Variants in RABGAP1L observed in about 807,000 individuals in gnomAD.
RABGAP1L encodes RAB GTPase activating protein 1 like.
Under a neutral mutation model 137.7 loss-of-function variants are expected in RABGAP1L, and 63 were observed. That is an observed-to-expected ratio of 0.46 (90% confidence interval 0.37 to 0.56). The LOEUF is 0.56. Ranked by LOEUF, RABGAP1L falls within the 20% of genes least tolerant of loss-of-function variation. RABGAP1L has a pLI of 0.00. For missense variants in RABGAP1L, 1,095 were observed against 1,244.0 expected, an observed-to-expected ratio of 0.88 and a Z score of 1.80; for synonymous variants, 431 against 433.7, an observed-to-expected ratio of 0.99 and a Z score of 0.08.
chr1:174,535,095 A>C (rs59262554), intron 13 of RABGAP1L, among the ~76,000 whole-genome samples: 1 of 152,174 alleles, frequency 6.6e-6, no homozygotes, highest in Non-Finnish European at 1.5e-5. Context: ...TGACACCATA[A>C]GGTTAAGTAT....
At chr1:174,259,346 T>C (rs1673385997) in intron 7 of RABGAP1L, among the ~76,000 whole-genome samples, 1 of 152,186 alleles carries the variant, frequency 6.6e-6, no homozygotes, top group African/African-American at 2.4e-5. Context: ...CTGTTCTAGG[T>C]GGTATTTCTG....
chr1:174,990,542 C>G lies in RABGAP1L; in HGVS notation c.*541C>G, dbSNP rs1038099606. The G allele has an allele frequency of 6.6e-6, 1 of 152,214 alleles. No homozygotes were observed. The highest frequency in any genetic ancestry group is 2.4e-5 in the African/African-American group (1 of 41,428). The allele number at this position is 152,214 out of a possible 1,614,324, so 9.4% of individuals were successfully genotyped here. ...TGTTAATCCTGTCCAAAGGAAAGAA[C>G]CAATCAGCGATCATTGGTTTACTTT... On this transcript the variant is annotated 3_prime_UTR_variant, in exon 26 of 26. Coordinates refer to ENST00000681986, the MANE Select transcript of RABGAP1L (RefSeq NM_001366446.1).
At chr1:174,354,976 A>G (rs1358693854) in intron 11 of RABGAP1L, among the ~76,000 whole-genome samples, 1 of 152,110 alleles carries the variant, frequency 6.6e-6, no homozygotes, top group Non-Finnish European at 1.5e-5. Context: ...GTTGTAGATA[A>G]GGATGTGGAG....
chr1:174,797,006 CAAA>C (rs11339856), intron 18 of RABGAP1L, among the ~76,000 whole-genome samples: 6 of 148,642 alleles, frequency 4.0e-5, no homozygotes, highest in African/African-American at 1.5e-4. Flanking sequence ...GACTCTGTCT[CAAA>C]AAAAAAAAAT....
intron 13 of RABGAP1L, among the ~76,000 whole-genome samples, chr1:174,519,916 T>A (rs1026139626): frequency 6.6e-6 from 1 of 152,200 alleles, no homozygotes; most frequent in Admixed American, 6.5e-5. Flanking sequence ...GTGGTGAATA[T>A]CAAAACAGCA....
Position 174,831,254 on chromosome 1 carries a change from A to G in RABGAP1L, c.2340+19294A>G, listed in dbSNP as rs919759609. Among the ~76,000 whole-genome samples the G allele has an allele frequency of 2.7e-5, 4 of 148,266 alleles. 1 individual carries two copies. The highest frequency in any genetic ancestry group is 6.0e-5 in the Non-Finnish European group (4 of 66,682). On this transcript the variant is annotated intron_variant, in intron 19 of 25. Coordinates refer to ENST00000681986, the MANE Select transcript of RABGAP1L (RefSeq NM_001366446.1). ...GAAAATAGCACTTGAGAATATTGCA[A>G]TTAAAGACTAAGAGAGTACTCCGAG... is the stretch of plus-strand genomic sequence containing the variant.
At chr1:174,678,777 T>A (rs1189563063) in intron 14 of RABGAP1L, among the ~76,000 whole-genome samples, 1 of 152,170 alleles carries the variant, frequency 6.6e-6, no homozygotes, top group Non-Finnish European at 1.5e-5. Flanking sequence ...TTCAGCTCCA[T>A]TAGAATGAAC....
chr1:174,858,237 G>A (rs1178054644), intron 19 of RABGAP1L, among the ~76,000 whole-genome samples: 1 of 152,056 alleles, frequency 6.6e-6, no homozygotes, highest in Non-Finnish European at 1.5e-5. Flanking sequence ...TACTGGTCTT[G>A]AACTCCTGGG....
intron 20 of RABGAP1L, among the ~76,000 whole-genome samples, chr1:174,960,562 C>T (rs1349153519): frequency 1.3e-5 from 2 of 151,936 alleles, no homozygotes; most frequent in African/African-American, 4.8e-5. Context: ...GATTGCACAA[C>T]TTTGTGAATA....
At chr1:174,198,513 G>A (rs1164025627) in intron 1 of RABGAP1L, among the ~76,000 whole-genome samples, 1 of 152,144 alleles carries the variant, frequency 6.6e-6, no homozygotes, top group African/African-American at 2.4e-5. Context: ...TGGATTCTGA[G>A]TTAGTATTTA....
chr1:174,813,767 T>C (rs1026196414), intron 19 of RABGAP1L, among the ~76,000 whole-genome samples: 3 of 152,246 alleles, frequency 2.0e-5, no homozygotes, highest in African/African-American at 7.2e-5. Flanking sequence ...TATACTCTAG[T>C]GGGCATGATG....
intron 13 of RABGAP1L, among the ~76,000 whole-genome samples, chr1:174,396,653 T>C (rs1040926884): frequency 1.3e-5 from 2 of 150,550 alleles, no homozygotes; most frequent in African/African-American, 4.8e-5. Context: ...GCCATACCCC[T>C]TTTTTCACTA....
intron 17 of RABGAP1L, among the ~76,000 whole-genome samples, chr1:174,736,051 C>T: frequency 6.6e-6 from 1 of 152,190 alleles, no homozygotes; most frequent in East Asian, 1.9e-4. Flanking sequence ...AATCTCATGT[C>T]CTTCTCACAC....
intron 11 of RABGAP1L, among the ~76,000 whole-genome samples, chr1:174,309,385 A>G (rs548851425): frequency 1.3e-5 from 2 of 152,050 alleles, no homozygotes; most frequent in East Asian, 3.8e-4. Context: ...AGGACTCATT[A>G]CTATTTTGAA....
At chr1:174,224,246 T>G (rs1406093103) in intron 3 of RABGAP1L, among the ~76,000 whole-genome samples, 1 of 151,866 alleles carries the variant, frequency 6.6e-6, no homozygotes, top group African/African-American at 2.4e-5. Flanking sequence ...GAGGCCAAGG[T>G]GGGTGGATTA....
At chr1:174,195,761 C>CTCTT (rs904378136) in intron 1 of RABGAP1L, among the ~76,000 whole-genome samples, 2 of 111,576 alleles carry the variant, frequency 1.8e-5, no homozygotes, top group African/African-American at 6.8e-5. Context: ...CTCTCTTTCT[C>CTCTT]TCTTTCTCTC....
chr1:174,403,676 C>T (rs1001869342), intron 13 of RABGAP1L, among the ~76,000 whole-genome samples: 1 of 152,012 alleles, frequency 6.6e-6, no homozygotes, highest in Non-Finnish European at 1.5e-5. Flanking sequence ...GGTGTCAGGG[C>T]ATGTTTCTAA....
intron 13 of RABGAP1L, among the ~76,000 whole-genome samples, chr1:174,549,363 C>G (rs1321415412): frequency 1.3e-5 from 2 of 152,040 alleles, no homozygotes; most frequent in African/African-American, 4.8e-5. Context: ...AATTTTCTTT[C>G]AGAGGATGGG....
intron 17 of RABGAP1L, among the ~76,000 whole-genome samples, chr1:174,714,506 C>T (rs913418343): frequency 3.9e-5 from 6 of 152,276 alleles, no homozygotes; most frequent in South Asian, 2.1e-4. Context: ...GAAGAAGTAA[C>T]GGACATAATT....
Sources: gnomAD v4.1 joint callset for allele counts (sites outside exome capture counted in the v4.1 genomes callset) on GRCh38, gnomAD v4.1.1 for gene constraint, MANE v1.5 for transcripts, NCBI Gene and HGNC (gene_info 2026-07-23, HGNC 2026-07-21) for gene names.